Variants in PRR16 observed in about 807,000 individuals in gnomAD.
PRR16 encodes proline rich 16.
A neutral mutation model predicts 18.2 loss-of-function variants in PRR16; 6 were observed. The observed-to-expected ratio is 0.33, with a 90% CI of 0.18 to 0.65. The LOEUF (loss-of-function observed/expected upper bound fraction) is 0.65, where lower values mean the gene tolerates loss of function less well. Ranked by LOEUF, PRR16 falls within the 30% of genes least tolerant of loss-of-function variation. The probability of loss-of-function intolerance (pLI) is 0.74; values close to 1 mark genes in which losing one functional copy is unlikely to be tolerated. For synonymous variants in PRR16, 151 were observed against 147.8 expected, an observed-to-expected ratio of 1.02 and a Z score of -0.16; for missense variants, 412 against 376.6, an observed-to-expected ratio of 1.09 and a Z score of -0.78.
chr5:120,491,801 C>G (rs1438850227), intron 1 of PRR16, among the ~76,000 whole-genome samples: 1 of 152,182 alleles, frequency 6.6e-6, no homozygotes, highest in Non-Finnish European at 1.5e-5. Flanking sequence ...GCCTTGGCCT[C>G]CCAAAGTGCT....
chr5:120,622,721 C>T (rs892834429), intron 1 of PRR16, among the ~76,000 whole-genome samples: 3 of 152,074 alleles, frequency 2.0e-5, no homozygotes, highest in Non-Finnish European at 4.4e-5. Flanking sequence ...TTATGATCCA[C>T]CCGCCTCAGC....
At chr5:120,721,172 A>G in the PRR16 span, among the ~76,000 whole-genome samples, 2 of 152,206 alleles carry the variant, frequency 1.3e-5, no homozygotes, top group East Asian at 3.9e-4. Flanking sequence ...GACTTTATTC[A>G]GTGACTATTA....
rs1749011914 is a variant in PRR16, at chr5:120,464,509, A to G, written c.23A>G (p.Asn8Ser). Reference protein sequence around the residue: MSAKSKGNPSSSCPAEGP... With the variant: MSAKSKGSPSSSCPAEGP... ...AGAATGTCAGCCAAGTCCAAGGGGA[A>G]CCCCTCCTCGTCCTGTCCAGCCGAG... is the stretch of plus-strand genomic sequence containing the variant. Residue 8 changes from asparagine (N) to serine (S), a missense_variant, in exon 1 of 2, where the codon AAC becomes AGC. Asn to Ser is a conservative substitution (Grantham distance 46, BLOSUM62 1). Coordinates refer to ENST00000407149, the MANE Select transcript of PRR16 (RefSeq NM_001300783.2). 1 of 1,589,198 alleles carries G rather than the reference A, an allele frequency of 6.3e-7. No individual in the cohort carries two copies. The highest frequency in any genetic ancestry group is 1.3e-5 in the African/African-American group (1 of 74,724).
At chr5:120,771,838 C>T in the PRR16 span, among the ~76,000 whole-genome samples, 18 of 151,528 alleles carry the variant, frequency 1.2e-4, no homozygotes, top group East Asian at 1.9e-4. Flanking sequence ...ACTAGAAACA[C>T]GACTTTATAT....
chr5:120,583,919 T>G (rs975634889), intron 1 of PRR16, among the ~76,000 whole-genome samples: 1 of 152,142 alleles, frequency 6.6e-6, no homozygotes, highest in Non-Finnish European at 1.5e-5. Flanking sequence ...TTCAAAAAAT[T>G]TATTTAATTT....
chr5:120,779,016 G>A, the PRR16 span, among the ~76,000 whole-genome samples: 1 of 152,252 alleles, frequency 6.6e-6, no homozygotes, highest in East Asian at 1.9e-4. Context: ...TATTCTGATT[G>A]AAGGTACTCT....
intron 1 of PRR16, among the ~76,000 whole-genome samples, chr5:120,579,574 T>C (rs1241110289): frequency 6.6e-6 from 1 of 152,172 alleles, no homozygotes; most frequent in Non-Finnish European, 1.5e-5. Flanking sequence ...ATGTGTGGTA[T>C]TCTTTCTGAG....
At chr5:120,596,984 A>G (rs1015059791) in intron 1 of PRR16, among the ~76,000 whole-genome samples, 2 of 151,680 alleles carry the variant, frequency 1.3e-5, no homozygotes, top group Non-Finnish European at 3.0e-5. Flanking sequence ...ACAAAAATTT[A>G]TTTATCTACT....
chr5:120,651,422 G>C (rs903830045), intron 1 of PRR16, among the ~76,000 whole-genome samples: 1 of 152,090 alleles, frequency 6.6e-6, no homozygotes, highest in African/African-American at 2.4e-5. Flanking sequence ...GTCCTGAATG[G>C]TATTGCCTAG....
chr5:120,767,302 AG>A, the PRR16 span, among the ~76,000 whole-genome samples: 1 of 151,960 alleles, frequency 6.6e-6, no homozygotes, highest in Admixed American at 6.6e-5. Flanking sequence ...GTGATGCCTC[AG>A]GGCACCATAG....
At chr5:120,497,384 A>ATTTTTTTTTTT (rs765496177) in intron 1 of PRR16, among the ~76,000 whole-genome samples, 2 of 84,178 alleles carry the variant, frequency 2.4e-5, no homozygotes, top group African/African-American at 5.5e-5. Flanking sequence ...TGATGAACTG[A>ATTTTTTTTTTT]TTTTTTTTTT....
chr5:120,487,510 T>G lies in PRR16; in HGVS notation c.159+22865T>G, dbSNP rs572593411. ...GCACATTGATTTTCTATCCTGAGACTTTGCTGAAGTTGCTTATCAGCTTAA... is the reference window on the plus strand; with the variant it reads ...GCACATTGATTTTCTATCCTGAGACGTTGCTGAAGTTGCTTATCAGCTTAA... On this transcript the variant is annotated intron_variant, in intron 1 of 1. Coordinates refer to ENST00000407149, the MANE Select transcript of PRR16 (RefSeq NM_001300783.2). Among the ~76,000 whole-genome samples the G allele has an allele frequency of 5.4e-3, 815 of 152,312 alleles. 12 individuals are homozygous for G. Among genetic ancestry groups the G allele is most frequent in the African/African-American group, 0.019 (774 of 41,552 alleles).
the PRR16 span, among the ~76,000 whole-genome samples, chr5:120,704,550 A>T: frequency 6.6e-6 from 1 of 152,200 alleles, no homozygotes; most frequent in Admixed American, 6.5e-5. Flanking sequence ...TGTACTCAAG[A>T]GTATTTTAAA....
At chr5:120,574,000 GA>G (rs1431995437) in intron 1 of PRR16, among the ~76,000 whole-genome samples, 1 of 151,230 alleles carries the variant, frequency 6.6e-6, no homozygotes, top group Non-Finnish European at 1.5e-5. Context: ...ACAGAGTATA[GA>G]AAAAAAGAAT....
At chr5:120,673,795 A>G (rs1298669248) in intron 1 of PRR16, among the ~76,000 whole-genome samples, 1 of 151,944 alleles carries the variant, frequency 6.6e-6, no homozygotes, top group East Asian at 1.9e-4. Flanking sequence ...AAAATAAAAA[A>G]CAAAAAAAAA....
At chr5:120,778,041 A>G in the PRR16 span, among the ~76,000 whole-genome samples, 1 of 152,166 alleles carries the variant, frequency 6.6e-6, no homozygotes, top group Non-Finnish European at 1.5e-5. Context: ...TGGAGTATTA[A>G]TAACACTATG....
At chr5:120,516,217 A>G (rs1210359318) in intron 1 of PRR16, among the ~76,000 whole-genome samples, 2 of 152,148 alleles carry the variant, frequency 1.3e-5, no homozygotes, top group Non-Finnish European at 2.9e-5. Context: ...TGAGGTCAGG[A>G]GTTCGAGACC....
At chr5:120,554,258 T>A (rs990988704) in intron 1 of PRR16, among the ~76,000 whole-genome samples, 6 of 151,882 alleles carry the variant, frequency 4.0e-5, no homozygotes, top group Non-Finnish European at 5.9e-5. Flanking sequence ...AAATATATAG[T>A]ATTTATTTGC....
rs560436988 is a variant in PRR16, at chr5:120,617,978, C to T, written c.160-67976C>T. Among the ~76,000 whole-genome samples, 19 of 152,150 alleles carry T rather than the reference C, an allele frequency of 1.2e-4. No individual in the cohort carries two copies. The South Asian group carries it at 2.5e-3, about 20-fold the overall frequency. Reference sequence around the variant, plus strand: ...TTTCTTTGGTCTCAGTATTTTTCTGCATATAAAAGAACGTGGGTTTATTGC... The same window carrying T: ...TTTCTTTGGTCTCAGTATTTTTCTGTATATAAAAGAACGTGGGTTTATTGC... On this transcript the variant is annotated intron_variant, in intron 1 of 1. Coordinates refer to ENST00000407149, the MANE Select transcript of PRR16 (RefSeq NM_001300783.2).
Sources: allele counts gnomAD v4.1 joint callset (sites outside exome capture counted in the v4.1 genomes callset), GRCh38; gene constraint gnomAD v4.1.1; transcripts MANE v1.5; gene names NCBI Gene and HGNC (gene_info 2026-07-23, HGNC 2026-07-21).